EHBP1: variants seen among roughly 807,000 people sequenced by gnomAD.
EHBP1 encodes the protein EH domain binding protein 1.
EHBP1 carries 55 observed loss-of-function variants against 144.0 expected under a neutral mutation model. That is an observed-to-expected ratio of 0.38 (90% confidence interval 0.31 to 0.48). EHBP1 has a LOEUF of 0.48. EHBP1 is among the 20% of genes least tolerant of loss of function. EHBP1 has a pLI of 0.98. For missense variants in EHBP1, 1,200 were observed against 1,364.2 expected, an observed-to-expected ratio of 0.88 and a Z score of 1.90; for synonymous variants, 469 against 472.7, an observed-to-expected ratio of 0.99 and a Z score of 0.10.
At chr2:62,745,470 G>C (rs2039066627) in intron 2 of EHBP1, among the ~76,000 whole-genome samples, 1 of 151,920 alleles carries the variant, frequency 6.6e-6, no homozygotes, top group South Asian at 2.1e-4. Flanking sequence ...GGGTTTACTA[G>C]GTAGAAAAAT....
At chr2:62,991,269 A>G (rs2059402186) in intron 16 of EHBP1, among the ~76,000 whole-genome samples, 1 of 151,780 alleles carries the variant, frequency 6.6e-6, no homozygotes, top group African/African-American at 2.4e-5. Flanking sequence ...AAATTAATTA[A>G]TTAAAAAAAT....
chr2:62,913,119 C>G (rs1349834226), intron 10 of EHBP1, among the ~76,000 whole-genome samples: 1 of 152,190 alleles, frequency 6.6e-6, no homozygotes, highest in Non-Finnish European at 1.5e-5. Context: ...TTTCCCTAAT[C>G]ACACCTTCCC....
At chr2:62,823,194 T>C (rs764766117) in intron 5 of EHBP1, among the ~76,000 whole-genome samples, 1 of 152,138 alleles carries the variant, frequency 6.6e-6, no homozygotes, top group Non-Finnish European at 1.5e-5. Flanking sequence ...TTAATAAACA[T>C]TGAAGTTTAA....
At chr2:62,997,034 A>G (rs561362182) in intron 19 of EHBP1, among the ~76,000 whole-genome samples, 2 of 152,056 alleles carry the variant, frequency 1.3e-5, no homozygotes, top group African/African-American at 4.8e-5. Flanking sequence ...TCTGTGCCTC[A>G]TTGATATGCC....
intron 19 of EHBP1, among the ~76,000 whole-genome samples, chr2:63,011,142 CAAAAAAAAAA>C (rs58109395): frequency 4.6e-5 from 2 of 43,898 alleles, no homozygotes; most frequent in African/African-American, 1.7e-4. Flanking sequence ...CCTCACTTGT[CAAAAAAAAAA>C]AAAAAAAAAA....
At position 63,037,624 on chromosome 2, in the gene EHBP1, C is replaced by G. The variant is rs779408243; in HGVS notation, c.3193C>G (p.Leu1065Val). 6.3e-7 allele frequency: 1 copy of G among 1,586,360 alleles called. No individual in the cohort carries two copies. The highest frequency in any genetic ancestry group is 1.1e-5 in the South Asian group (1 of 88,140). The change falls in exon 20 of 23, where the codon CTC becomes GTC. Residue 1065 changes from leucine to valine, a missense_variant. This residue lies in a region of EHBP1 where 149 missense variants were observed against 217.0 expected (regional missense o/e 0.69). Coordinates refer to ENST00000431489, the MANE Select transcript of EHBP1 (RefSeq NM_001142616.3). ...KNALIRRMNQ[L>V]SLLEKEHDLE... The stretch of plus-strand genomic sequence containing the variant: ...TGCCTTAATAAGGAGAATGAATCAG[C>G]TCTCTCTTCTGTAAGTACTCATCAT...
At chr2:62,775,224 T>G (rs965054491) in intron 5 of EHBP1, among the ~76,000 whole-genome samples, 1 of 152,176 alleles carries the variant, frequency 6.6e-6, no homozygotes. Flanking sequence ...ACCTTGGCAT[T>G]CTATATATAA....
At chr2:62,794,072 GA>G (rs2043360832) in intron 5 of EHBP1, among the ~76,000 whole-genome samples, 1 of 152,040 alleles carries the variant, frequency 6.6e-6, no homozygotes, top group African/African-American at 2.4e-5. Flanking sequence ...CGCAATTTAA[GA>G]ATAAAACAGA....
At chr2:62,847,121 T>C (rs987624986) in intron 7 of EHBP1, among the ~76,000 whole-genome samples, 3 of 152,116 alleles carry the variant, frequency 2.0e-5, no homozygotes, top group Non-Finnish European at 2.9e-5. Flanking sequence ...TGGCATAGGA[T>C]AAATAGATCA....
At chr2:62,771,639 A>G (rs894434883) in intron 5 of EHBP1, 1 of 198,734 alleles carries the variant, frequency 5.0e-6, no homozygotes, top group Non-Finnish European at 9.9e-6. Flanking sequence ...GCGTGTGTAT[A>G]TGTGTATTAT....
intron 7 of EHBP1, among the ~76,000 whole-genome samples, chr2:62,857,812 A>G (rs1319111832): frequency 2.6e-5 from 4 of 151,744 alleles, no homozygotes; most frequent in African/African-American, 7.3e-5. Context: ...TTATTATAAG[A>G]TTTTTCTAAA....
intron 9 of EHBP1, among the ~76,000 whole-genome samples, chr2:62,867,650 T>G (rs1383297739): frequency 6.6e-6 from 1 of 152,208 alleles, no homozygotes; most frequent in African/African-American, 2.4e-5. Flanking sequence ...AATTTATAAA[T>G]TCAGTGCCAT....
chr2:62,956,845 G>C (rs891455675), intron 14 of EHBP1, among the ~76,000 whole-genome samples: 8 of 152,146 alleles, frequency 5.3e-5, no homozygotes, highest in African/African-American at 1.9e-4. Flanking sequence ...CAGCTAATAA[G>C]ACCTCTGCCA....
chr2:62,913,938 A>G (rs1032265482), intron 10 of EHBP1, among the ~76,000 whole-genome samples: 2 of 152,194 alleles, frequency 1.3e-5, no homozygotes, highest in African/African-American at 4.8e-5. Flanking sequence ...TGATAATTAC[A>G]GAACAGAAAA....
chr2:62,790,679 G>A (rs1252486487), intron 5 of EHBP1, among the ~76,000 whole-genome samples: 1 of 151,994 alleles, frequency 6.6e-6, no homozygotes, highest in African/African-American at 2.4e-5. Context: ...GAAAAGTAAG[G>A]TCTAAAATAT....
intron 3 of EHBP1, among the ~76,000 whole-genome samples, chr2:62,763,084 T>C (rs979759836): frequency 6.6e-5 from 10 of 152,182 alleles, no homozygotes; most frequent in Non-Finnish European, 1.3e-4. Context: ...GATACCTCTT[T>C]TCATGCATTT....
At chr2:63,023,369 A>C (rs2060839497) in intron 19 of EHBP1, among the ~76,000 whole-genome samples, 4 of 152,166 alleles carry the variant, frequency 2.6e-5, no homozygotes, top group South Asian at 4.1e-4. Flanking sequence ...GCTTTACAGG[A>C]TCAGATTTGA....
chr2:62,862,012 C>G (rs1395600644), intron 8 of EHBP1, among the ~76,000 whole-genome samples: 2 of 152,140 alleles, frequency 1.3e-5, no homozygotes, highest in African/African-American at 4.8e-5. Context: ...TTTACAGTCT[C>G]TCTTCCCTTA....
intron 19 of EHBP1, among the ~76,000 whole-genome samples, chr2:63,010,710 T>C (rs529209016): frequency 6.6e-6 from 1 of 151,832 alleles, no homozygotes; most frequent in Non-Finnish European, 1.5e-5. Context: ...GGTTTTAGGG[T>C]TTTTAAAAAT....
Sources: allele counts gnomAD v4.1 joint callset (sites outside exome capture counted in the v4.1 genomes callset), GRCh38; gene constraint gnomAD v4.1.1; regional missense constraint gnomAD v4.1.1; transcripts MANE v1.5; gene names NCBI Gene and HGNC (gene_info 2026-07-23, HGNC 2026-07-21).